Variants in CERS6 observed in about 807,000 individuals in gnomAD.
CERS6 encodes LAG1 homolog, ceramide synthase 6.
CERS6 carries 26 observed loss-of-function variants against 56.8 expected under a neutral mutation model. The observed-to-expected ratio is 0.46, with a 90% CI of 0.34 to 0.63. CERS6 has a LOEUF of 0.63. Among genes scored for constraint, CERS6 ranks in the 30% least tolerant of loss-of-function variants. The pLI, the probability that CERS6 is intolerant of heterozygous loss-of-function variation, is 0.01. For missense variants in CERS6, 415 were observed against 467.5 expected, an observed-to-expected ratio of 0.89 and a Z score of 1.04; for synonymous variants, 164 against 173.3, an observed-to-expected ratio of 0.95 and a Z score of 0.42.
chr2:168,494,707 C>T (rs1402171221), intron 1 of CERS6, among the ~76,000 whole-genome samples: 2 of 152,102 alleles, frequency 1.3e-5, no homozygotes, highest in African/African-American at 2.4e-5. Context: ...GACTTATATA[C>T]AGGGTGTTCC....
chr2:168,710,991 A>G (rs1574181102), intron 6 of CERS6, among the ~76,000 whole-genome samples: 1 of 152,356 alleles, frequency 6.6e-6, no homozygotes, highest in East Asian at 1.9e-4. Flanking sequence ...AGTGGAATCT[A>G]CCATCAATGT....
At chr2:168,516,497 T>C (rs908701338) in intron 1 of CERS6, among the ~76,000 whole-genome samples, 1 of 152,166 alleles carries the variant, frequency 6.6e-6, no homozygotes, top group African/African-American at 2.4e-5. Flanking sequence ...CATATTTCTT[T>C]GCCATACGAC....
intron 6 of CERS6, among the ~76,000 whole-genome samples, chr2:168,713,125 G>A (rs546486380): frequency 2.0e-5 from 3 of 152,014 alleles, no homozygotes; most frequent in Non-Finnish European, 2.9e-5. Flanking sequence ...GCCTAGAACT[G>A]TCTAGAGCAT....
chr2:168,691,793 T>A (rs1030354574), intron 5 of CERS6, among the ~76,000 whole-genome samples: 1 of 152,184 alleles, frequency 6.6e-6, no homozygotes, highest in East Asian at 1.9e-4. Context: ...TTTCTATAAC[T>A]CCATGTTCAG....
intron 3 of CERS6, chr2:168,583,000 T>C (rs1683454322): frequency 6.5e-6 from 1 of 153,938 alleles, no homozygotes; most frequent in South Asian, 2.0e-4. Flanking sequence ...TTGCCTAACA[T>C]GTGCCAGAAA....
Position 168,663,203 on chromosome 2 carries a change from AT to A in CERS6, c.466-27824del, listed in dbSNP as rs139812696. On this transcript the variant is annotated intron_variant, in intron 4 of 9. Transcript: ENST00000305747. The stretch of plus-strand genomic sequence containing the variant: ...CCATCCAGTTAAACACAGTGTATGT[AT>A]TTTTTTCTTTTTCCAAACTTAAAAA... Among the ~76,000 whole-genome samples the A allele has an allele frequency of 1.3e-3, 191 of 152,200 alleles. 1 individual carries two copies. The highest frequency in any genetic ancestry group is 0.01 in the Middle Eastern group (3 of 294).
chr2:168,711,101 T>G (rs1687077376), intron 6 of CERS6, among the ~76,000 whole-genome samples: 1 of 152,226 alleles, frequency 6.6e-6, no homozygotes, highest in Non-Finnish European at 1.5e-5. Flanking sequence ...ATATACTGTT[T>G]ATCCTAGCAG....
chr2:168,622,089 C>T (rs1406423559), intron 3 of CERS6, among the ~76,000 whole-genome samples: 1 of 152,002 alleles, frequency 6.6e-6, no homozygotes, highest in Non-Finnish European at 1.5e-5. Context: ...AAAAACCCAC[C>T]CAGTAATATT....
At chr2:168,662,983 A>G (rs1047131705) in intron 4 of CERS6, among the ~76,000 whole-genome samples, 4 of 152,232 alleles carry the variant, frequency 2.6e-5, no homozygotes, top group Non-Finnish European at 5.9e-5. Context: ...TCCCAGTCAT[A>G]AATGAAAGCC....
intron 4 of CERS6, among the ~76,000 whole-genome samples, chr2:168,663,356 C>T (rs1430127074): frequency 6.6e-6 from 1 of 152,066 alleles, no homozygotes; most frequent in Non-Finnish European, 1.5e-5. Context: ...AATATAAAGG[C>T]AGTCAAGCAG....
intron 6 of CERS6, among the ~76,000 whole-genome samples, chr2:168,707,802 T>C (rs1241313142): frequency 6.6e-6 from 1 of 152,148 alleles, no homozygotes; most frequent in South Asian, 2.1e-4. Flanking sequence ...AGCCATTGTC[T>C]TAAGACCCTA....
intron 6 of CERS6, among the ~76,000 whole-genome samples, chr2:168,700,104 G>A (rs915589933): frequency 1.3e-5 from 2 of 151,862 alleles, no homozygotes; most frequent in Non-Finnish European, 2.9e-5. Flanking sequence ...TCTTAAACCC[G>A]AGAGAAACAC....
rs1466387260 is a variant in CERS6 at position 168,773,236 on chromosome 2, GT to G, written c.*3578del. On this transcript the variant is annotated 3_prime_UTR_variant, in exon 10 of 10. Coordinates refer to ENST00000305747, the MANE Select transcript of CERS6 (RefSeq NM_203463.3). ...GCCAAAGTTGCCTGAACATTGGGCG[GT>G]TTTCTTAATTTGAAGTATAAAAATT... The G allele has an allele frequency of 6.6e-6, 1 of 152,102 alleles. No homozygotes were observed. The highest frequency in any genetic ancestry group is 2.4e-5 in the African/African-American group (1 of 41,396). 9.4% of individuals were successfully genotyped at this position (152,102 alleles called of 1,614,324 possible).
chr2:168,563,623 C>T (rs1195433664), intron 3 of CERS6, among the ~76,000 whole-genome samples: 1 of 152,054 alleles, frequency 6.6e-6, no homozygotes, highest in Non-Finnish European at 1.5e-5. Context: ...TGGTGAAACC[C>T]CGTCTCTACT....
intron 2 of CERS6, among the ~76,000 whole-genome samples, chr2:168,553,818 C>T (rs530699295): frequency 1.3e-5 from 2 of 152,218 alleles, no homozygotes; most frequent in South Asian, 4.1e-4. Context: ...TCTAGGTTCT[C>T]ACAGTGTAGA....
At chr2:168,507,371 CT>C (rs1169215153) in intron 1 of CERS6, among the ~76,000 whole-genome samples, 1 of 152,092 alleles carries the variant, frequency 6.6e-6, no homozygotes, top group African/African-American at 2.4e-5. Flanking sequence ...GTTCCTTAGT[CT>C]TTCTCTGTCT....
At chr2:168,610,866 G>A (rs186105191) in intron 3 of CERS6, among the ~76,000 whole-genome samples, 1 of 152,256 alleles carries the variant, frequency 6.6e-6, no homozygotes, top group East Asian at 1.9e-4. Flanking sequence ...GGAGTGCAGT[G>A]GTGCAATCTC....
chr2:168,550,872 C>T (rs1695558653), intron 2 of CERS6, among the ~76,000 whole-genome samples: 1 of 152,152 alleles, frequency 6.6e-6, no homozygotes, highest in African/African-American at 2.4e-5. Context: ...TGCACTCGGC[C>T]CTCCACTGGG....
intron 8 of CERS6, among the ~76,000 whole-genome samples, chr2:168,749,990 A>G (rs1009394161): frequency 6.6e-6 from 1 of 152,228 alleles, no homozygotes; most frequent in African/African-American, 2.4e-5. Flanking sequence ...AGAAATTTCT[A>G]GGGAAAGCGT....
Sources: allele counts gnomAD v4.1 joint callset (sites outside exome capture counted in the v4.1 genomes callset), GRCh38; gene constraint gnomAD v4.1.1; transcripts MANE v1.5; gene names NCBI Gene and HGNC (gene_info 2026-07-23, HGNC 2026-07-21).